INPP5A: variants seen among roughly 807,000 people sequenced by gnomAD.
The protein encoded by INPP5A is 43 kDa inositol polyphosphate 5-phophatase.
A neutral mutation model predicts 65.2 loss-of-function variants in INPP5A; 14 were observed. That is an observed-to-expected ratio of 0.21 (90% CI 0.14 to 0.34). INPP5A has a LOEUF of 0.34. Ranked by LOEUF, INPP5A falls within the 10% of genes least tolerant of loss-of-function variation. INPP5A has a pLI of 1.00. For missense variants in INPP5A, 431 were observed against 545.6 expected (o/e 0.79, Z 2.09); for synonymous variants, 207 against 208.3 (o/e 0.99, Z 0.05).
intron 9 of INPP5A, among the ~76,000 whole-genome samples, chr10:132,729,186 C>T (rs778327071): frequency 1.6e-4 from 24 of 152,118 alleles, no homozygotes; most frequent in Non-Finnish European, 2.9e-4. Context: ...AGCACCTCAC[C>T]GGGGTTTGCC....
intron 4 of INPP5A, among the ~76,000 whole-genome samples, chr10:132,656,936 G>A (rs1033795474): frequency 1.3e-5 from 2 of 152,200 alleles, no homozygotes; most frequent in Non-Finnish European, 2.9e-5. Context: ...AGACAGCAGC[G>A]ACAGGGCTGT....
intron 2 of INPP5A, among the ~76,000 whole-genome samples, chr10:132,636,198 A>G (rs2072350384): frequency 8.1e-6 from 1 of 123,638 alleles, no homozygotes. Context: ...TATTTTCTAT[A>G]CCACACACAT....
At chr10:132,757,429 A>G (rs944910293) in intron 11 of INPP5A, among the ~76,000 whole-genome samples, 77 of 152,226 alleles carry the variant, frequency 5.1e-4, no homozygotes, top group African/African-American at 1.8e-3. Flanking sequence ...AGGTACTTAC[A>G]GTGTGTTACG....
Position 132,727,969 on chromosome 10 carries a change from G to A in INPP5A, c.732+1064G>A, listed in dbSNP as rs1351618821. On this transcript the variant is annotated intron_variant, in intron 9 of 15. Transcript: ENST00000368594. The surrounding 1 kb of genome is among the most constrained non-coding windows in gnomAD (Gnocchi z 6.5). ...CACCCACACGTATTCATCTTCCAACGGTGGCAGGACATTGTTTCTGAAAGA... is the reference window on the plus strand; with the variant it reads ...CACCCACACGTATTCATCTTCCAACAGTGGCAGGACATTGTTTCTGAAAGA... Among the ~76,000 whole-genome samples, 1 of 152,180 alleles carries A rather than the reference G, an allele frequency of 6.6e-6. No homozygotes were observed. Among genetic ancestry groups the A allele is most frequent in the Non-Finnish European group, 1.5e-5 (1 of 68,034 alleles).
intron 9 of INPP5A, among the ~76,000 whole-genome samples, chr10:132,731,578 G>A (rs1178908256): frequency 1.3e-5 from 2 of 152,204 alleles, no homozygotes; most frequent in African/African-American, 4.8e-5. Flanking sequence ...CTTCGCTGGT[G>A]CCGTTTGTTG....
At chr10:132,747,209 G>A (rs1346971394) in intron 9 of INPP5A, among the ~76,000 whole-genome samples, 4 of 152,256 alleles carry the variant, frequency 2.6e-5, no homozygotes, top group Non-Finnish European at 5.9e-5. Flanking sequence ...GGATGGGGCC[G>A]GACCTCCTTG....
chr10:132,687,128 A>T (rs1339603409), intron 4 of INPP5A, among the ~76,000 whole-genome samples: 2 of 152,174 alleles, frequency 1.3e-5, no homozygotes, highest in African/African-American at 4.8e-5. Context: ...TACTTTTAGT[A>T]AAGACGGGGT....
At chr10:132,759,585 C>T (rs188648753) in intron 11 of INPP5A, among the ~76,000 whole-genome samples, 42 of 151,900 alleles carry the variant, frequency 2.8e-4, no homozygotes, top group Non-Finnish European at 4.9e-4. Flanking sequence ...TGGGGCTCCA[C>T]GTCAGGGTGT....
chr10:132,637,873 G>A lies in INPP5A; in HGVS notation c.118-7995G>A, dbSNP rs375236867. Among the ~76,000 whole-genome samples, 11 of 152,190 alleles carry A rather than the reference G, an allele frequency of 7.2e-5. No homozygotes were observed. The highest frequency in any genetic ancestry group is 5.8e-4 in the East Asian group (3 of 5,174). On this transcript the variant is annotated intron_variant, in intron 2 of 15. Coordinates refer to ENST00000368594, the MANE Select transcript of INPP5A (RefSeq NM_005539.5). This position sits in a 1 kb window ranked among gnomAD's most constrained non-coding sequence, Gnocchi z 4.1. ...CGGTCGTTTTCCTCAGGTCGGGCAC[G>A]TTTTCCTCAGTTTGTGTGTGTACAA...
At chr10:132,629,849 G>T (rs1319948245) in intron 2 of INPP5A, among the ~76,000 whole-genome samples, 1 of 152,148 alleles carries the variant, frequency 6.6e-6, no homozygotes, top group South Asian at 2.1e-4. Context: ...CAAGGGCAGG[G>T]TGTCCTCCAG....
At chr10:132,718,261 T>C (rs530349801) in intron 8 of INPP5A, among the ~76,000 whole-genome samples, 42 of 143,076 alleles carry the variant, frequency 2.9e-4, no homozygotes, top group African/African-American at 1.1e-3. Context: ...TCTTGCGGGT[T>C]CTGTGGTACC....
chr10:132,714,548 C>G (rs879328748), intron 8 of INPP5A, among the ~76,000 whole-genome samples: 1 of 152,178 alleles, frequency 6.6e-6, no homozygotes, highest in African/African-American at 2.4e-5. Flanking sequence ...TCTCCCCGCG[C>G]GGCTTCCCAG....
At chr10:132,556,081 C>A (rs1463941207) in intron 1 of INPP5A, among the ~76,000 whole-genome samples, 1 of 152,122 alleles carries the variant, frequency 6.6e-6, no homozygotes, top group Non-Finnish European at 1.5e-5. Context: ...AGGCATCTGT[C>A]CCAGCCTGTG....
chr10:132,634,747 G>A (rs943050130), intron 2 of INPP5A, among the ~76,000 whole-genome samples: 3 of 152,156 alleles, frequency 2.0e-5, no homozygotes, highest in Non-Finnish European at 4.4e-5. Context: ...GTTCTTCTTC[G>A]TCTCCTGGAG....
Position 132,637,332 on chromosome 10 carries a change from TA to T in INPP5A, c.118-8534del, listed in dbSNP as rs897447113. On this transcript the variant is annotated intron_variant, in intron 2 of 15. Coordinates refer to ENST00000368594, the MANE Select transcript of INPP5A (RefSeq NM_005539.5). This position sits in a 1 kb window ranked among gnomAD's most constrained non-coding sequence, Gnocchi z 4.1. The stretch of plus-strand genomic sequence containing the variant: ...AGTATTCAGTGAGCCTTTCAGTGTA[TA>T]AGTGCGGGTCTTTTTCTGTTTTGAA... Among the ~76,000 whole-genome samples the T allele has an allele frequency of 2.0e-5, 3 of 152,228 alleles. No individual in the cohort carries two copies. The highest frequency in any genetic ancestry group is 7.2e-5 in the African/African-American group (3 of 41,456).
At chr10:132,625,723 G>A (rs576652620) in intron 2 of INPP5A, among the ~76,000 whole-genome samples, 5 of 152,262 alleles carry the variant, frequency 3.3e-5, no homozygotes, top group South Asian at 4.2e-4. Context: ...GGTCAGGGGC[G>A]TGCCTTGGCC....
At position 132,555,955 on chromosome 10, in the gene INPP5A, G is replaced by A. The variant is rs1162796366; in HGVS notation, c.75+17784G>A. Among the ~76,000 whole-genome samples the A allele has an allele frequency of 6.6e-6, 1 of 152,020 alleles. No homozygotes were observed. Among genetic ancestry groups the A allele is most frequent in the East Asian group, 1.9e-4 (1 of 5,166 alleles). The stretch of plus-strand genomic sequence containing the variant: ...AATTCACCTTGGCTCAGCGCTTGGT[G>A]CTTTTGATGGAGAAAATTCAGTTCC... On this transcript the variant is annotated intron_variant, in intron 1 of 15. Transcript: ENST00000368594. The surrounding 1 kb of genome is among the most constrained non-coding windows in gnomAD (Gnocchi z 4.4).
In INPP5A at chr10:132,590,176, G is replaced by A. The variant is rs558734048; in HGVS notation, c.76-17739G>A. Among the ~76,000 whole-genome samples the A allele has an allele frequency of 3.2e-4, 48 of 152,276 alleles. No homozygotes were observed. The East Asian group carries it at 9.1e-3, about 29-fold the overall frequency. ...GCTGGCGAGGGACGCCAGGGATGCG[G>A]CCTCCTGCAGTGGTCAGATGCCGTC... On this transcript the variant is annotated intron_variant, in intron 1 of 15. Coordinates refer to ENST00000368594, the MANE Select transcript of INPP5A (RefSeq NM_005539.5).
intron 2 of INPP5A, among the ~76,000 whole-genome samples, chr10:132,614,025 A>G (rs1435156140): frequency 1.3e-5 from 2 of 152,236 alleles, no homozygotes; most frequent in African/African-American, 4.8e-5. Flanking sequence ...TAGAGAGTGC[A>G]GGAGACAGCG....
Sources: allele counts gnomAD v4.1 joint callset (sites outside exome capture counted in the v4.1 genomes callset), GRCh38; gene constraint gnomAD v4.1.1; non-coding constraint Gnocchi (gnomAD v3.1); transcripts MANE v1.5; gene names NCBI Gene and HGNC (gene_info 2026-07-23, HGNC 2026-07-21).